The following UBE2U variants were observed in gnomAD, a reference collection of about 807,000 sequenced individuals.
UBE2U encodes ubiquitin-conjugating enzyme E2 U.
A neutral mutation model predicts 41.2 loss-of-function variants in UBE2U; 39 were observed. That is an observed-to-expected ratio of 0.95 (90% CI 0.73 to 1.24). UBE2U has a LOEUF of 1.24. Among genes scored for constraint, UBE2U ranks in the 50% most tolerant of loss-of-function variants. The probability of loss-of-function intolerance (pLI) is 0.00; values close to 1 mark genes in which losing one functional copy is unlikely to be tolerated. For missense variants in UBE2U, 336 were observed against 363.1 expected (o/e 0.93, Z 0.61); for synonymous variants, 107 against 117.8 (o/e 0.91, Z 0.60).
chr1:64,261,537 C>T (rs1007828495), intron 9 of UBE2U, among the ~76,000 whole-genome samples: 1 of 152,188 alleles, frequency 6.6e-6, no homozygotes, highest in African/African-American at 2.4e-5. Flanking sequence ...AAGGGCCCTG[C>T]CCCCGTATCT....
intron 6 of UBE2U, among the ~76,000 whole-genome samples, chr1:64,231,617 AAATG>A (rs1211986713): frequency 6.6e-6 from 1 of 152,252 alleles, no homozygotes; most frequent in Non-Finnish European, 1.5e-5. Context: ...TTATTTAAAT[AAATG>A]AATGAATTAA....
intron 6 of UBE2U, among the ~76,000 whole-genome samples, chr1:64,224,593 C>T (rs527950345): frequency 7.9e-5 from 12 of 151,910 alleles, no homozygotes; most frequent in Non-Finnish European, 1.3e-4. Flanking sequence ...CATGGTGGCG[C>T]GTGCCTGTAA....
At chr1:64,262,172 C>T (rs1199649398) in intron 9 of UBE2U, among the ~76,000 whole-genome samples, 1 of 152,158 alleles carries the variant, frequency 6.6e-6, no homozygotes, top group African/African-American at 2.4e-5. Flanking sequence ...TTTCTAATGC[C>T]TATGCATCCT....
chr1:64,227,528 G>A (rs1205888628), intron 6 of UBE2U, among the ~76,000 whole-genome samples: 3 of 152,134 alleles, frequency 2.0e-5, no homozygotes, highest in African/African-American at 4.8e-5. Context: ...ACGGCCAGGC[G>A]CCATGGCTCA....
At chr1:64,229,925 T>C (rs1308929614) in intron 6 of UBE2U, among the ~76,000 whole-genome samples, 4 of 152,196 alleles carry the variant, frequency 2.6e-5, no homozygotes, top group Non-Finnish European at 5.9e-5. Flanking sequence ...CTCCTGAAGA[T>C]CATTTTGACT....
intron 6 of UBE2U, among the ~76,000 whole-genome samples, chr1:64,230,719 T>TA (rs930067317): frequency 6.6e-6 from 1 of 152,214 alleles, no homozygotes; most frequent in African/African-American, 2.4e-5. Flanking sequence ...TCTGTTCTTG[T>TA]ATTCTCCAAA....
intron 5 of UBE2U, among the ~76,000 whole-genome samples, chr1:64,217,202 C>G (rs948562963): frequency 3.3e-5 from 5 of 152,112 alleles, no homozygotes; most frequent in Admixed American, 3.3e-4. Context: ...TTCTTTGTAT[C>G]TAGTGTTTAT....
rs368215481 is a variant in UBE2U, at chr1:64,205,629, T to C, written c.67-10T>C. ...GTTTTTTCTGATTTAATTTTGTTTT[T>C]AACTTCAAGGGTATCACTGCTAAGC... On this transcript the variant is annotated splice_polypyrimidine_tract_variant and intron_variant, in intron 1 of 9. Coordinates refer to ENST00000371077, the MANE Select transcript of UBE2U (RefSeq NM_001366232.2). 5.0e-5 allele frequency: 80 copies of C among 1,602,256 alleles called. No homozygotes were observed. The highest frequency in any genetic ancestry group is 1.7e-4 in the Middle Eastern group (1 of 6,038).
chr1:64,266,767 C>T (rs1260819934), intron 9 of UBE2U, among the ~76,000 whole-genome samples: 2 of 152,044 alleles, frequency 1.3e-5, no homozygotes, highest in Admixed American at 6.6e-5. Flanking sequence ...ATCAACTGGC[C>T]CTTAGCAGAG....
intron 8 of UBE2U, among the ~76,000 whole-genome samples, chr1:64,258,476 C>T (rs1645130906): frequency 1.3e-5 from 2 of 151,956 alleles, no homozygotes; most frequent in African/African-American, 4.8e-5. Context: ...CCCCCATCCC[C>T]CCACCCCAAG....
intron 9 of UBE2U, among the ~76,000 whole-genome samples, chr1:64,266,687 G>A (rs1257268145): frequency 1.3e-5 from 2 of 152,074 alleles, no homozygotes; most frequent in Non-Finnish European, 2.9e-5. Flanking sequence ...CTGTTTCAAA[G>A]TCCGACTCAG....
At chr1:64,213,803 G>A (rs902159520) in intron 4 of UBE2U, among the ~76,000 whole-genome samples, 11 of 152,106 alleles carry the variant, frequency 7.2e-5, no homozygotes, top group African/African-American at 1.9e-4. Flanking sequence ...ATCATGGAGC[G>A]TACTTACACA....
intron 7 of UBE2U, among the ~76,000 whole-genome samples, chr1:64,235,696 G>T (rs1570061812): frequency 6.6e-6 from 1 of 151,916 alleles, no homozygotes; most frequent in Admixed American, 6.6e-5. Context: ...TTTGATTTGG[G>T]GTATTAACTC....
Position 64,203,844 on chromosome 1 carries a change from G to A in UBE2U, c.-207G>A, listed in dbSNP as rs545403873. The A allele has an allele frequency of 2.6e-5, 11 of 425,756 alleles. No individual in the cohort carries two copies. The South Asian group carries it at 7.6e-4, about 30-fold the overall frequency. 26.4% of individuals were successfully genotyped at this position (425,756 alleles called of 1,614,324 possible). A position where few individuals can be genotyped will look rare whatever the true frequency, so the allele number is the denominator to read the frequency against. ...AAGTGCCCAAGTCTTCCTTCGGGAA[G>A]TTCTCGTTTAGAGGAGTCAGGAGAA... On this transcript the variant is annotated 5_prime_UTR_variant, in exon 1 of 10. Transcript: ENST00000371077.
chr1:64,253,570 A>C (rs1307071484), intron 8 of UBE2U, among the ~76,000 whole-genome samples: 1 of 151,922 alleles, frequency 6.6e-6, no homozygotes, highest in Non-Finnish European at 1.5e-5. Context: ...ACCTCTCAGC[A>C]GAAACCCTAC....
chr1:64,244,355 A>G, intron 8 of UBE2U: 1 of 747,830 alleles, frequency 1.3e-6, no homozygotes, highest in East Asian at 9.0e-5. Context: ...TATATTATAT[A>G]TCTGTTACAT....
intron 8 of UBE2U, among the ~76,000 whole-genome samples, chr1:64,252,242 T>C (rs1337662605): frequency 6.6e-6 from 1 of 152,186 alleles, no homozygotes; most frequent in East Asian, 1.9e-4. Context: ...GACAGAACTC[T>C]GATCTCACCC....
chr1:64,239,157 A>AAGAAGGAGAAG lies in UBE2U; in HGVS notation c.596-2494_596-2493insGAAGGAGAAGA. On this transcript the variant is annotated intron_variant, in intron 7 of 9. Coordinates refer to ENST00000371077, the MANE Select transcript of UBE2U (RefSeq NM_001366232.2). ...GAAGAAGAAGAAGAAGAAGAAGAAG[A>AAGAAGGAGAAG]AAGAAGAAGAAGAAGAAGAAGAAGA... Among the ~76,000 whole-genome samples, 6 of 37,064 alleles carry AAGAAGGAGAAG rather than the reference A, an allele frequency of 1.6e-4. 2 individuals carry two copies. Among genetic ancestry groups the AAGAAGGAGAAG allele is most frequent in the Admixed American group, 6.3e-4 (2 of 3,168 alleles). The allele number at this position is 37,064 out of a possible 152,430, so 24.3% of individuals were successfully genotyped here.
intron 6 of UBE2U, among the ~76,000 whole-genome samples, chr1:64,227,621 C>T (rs1055686876): frequency 6.6e-6 from 1 of 151,928 alleles, no homozygotes; most frequent in African/African-American, 2.4e-5. Context: ...AACCAACATG[C>T]AGAAACCCTG....
Sources: gnomAD v4.1 joint callset for allele counts (sites outside exome capture counted in the v4.1 genomes callset) on GRCh38, gnomAD v4.1.1 for gene constraint, MANE v1.5 for transcripts, NCBI Gene and HGNC (gene_info 2026-07-23, HGNC 2026-07-21) for gene names.